The following LMOD3 variants were observed in gnomAD, a reference collection of about 807,000 sequenced individuals.
LMOD3 encodes leiomodin-3.
Under a neutral mutation model 41.8 loss-of-function variants are expected in LMOD3, and 31 were observed. The ratio of observed to expected loss-of-function variants is 0.74; its 90% confidence interval spans 0.56 to 1.00. LMOD3 has a LOEUF of 1.00. Among genes scored for constraint, LMOD3 ranks in the 50% least tolerant of loss-of-function variants. The pLI is 0.00. For synonymous variants in LMOD3, 292 were observed against 241.9 expected, an observed-to-expected ratio of 1.21 and a Z score of -1.92; for missense variants, 755 against 679.5, an observed-to-expected ratio of 1.11 and a Z score of -1.23.
intron 2 of LMOD3, among the ~76,000 whole-genome samples, chr3:69,116,259 C>T (rs1055594046): frequency 5.3e-5 from 8 of 152,052 alleles, no homozygotes; most frequent in Non-Finnish European, 2.9e-5. Flanking sequence ...TTTTTCTTGC[C>T]GAGTGTTTTC....
rs2107526974 is a variant in LMOD3 at position 69,120,067 on chromosome 3, G to C, written c.295-7C>G. On this transcript the variant is annotated splice_region_variant and splice_polypyrimidine_tract_variant and intron_variant, in intron 1 of 2. Coordinates refer to ENST00000420581, the MANE Select transcript of LMOD3 (RefSeq NM_198271.5). ...GCTCTTCTTGAGTCTTTTCCTACAA[G>C]AGAGGTTTATGAGGGTTAGAATACA... 1 of 1,589,046 alleles carries C rather than the reference G, an allele frequency of 6.3e-7. No homozygotes were observed. The highest frequency in any genetic ancestry group is 1.2e-5 in the South Asian group (1 of 85,970).
At chr3:69,114,869 A>G (rs79568196) in intron 2 of LMOD3, among the ~76,000 whole-genome samples, 1 of 151,188 alleles carries the variant, frequency 6.6e-6, no homozygotes, top group Non-Finnish European at 1.5e-5. Context: ...AAGGAAAATA[A>G]CTACTTTTAT....
Position 69,122,203 on chromosome 3 carries a change from G to A in LMOD3, c.184C>T (p.Pro62Ser), listed in dbSNP as rs745971448. ...MIQKDQTDKP[P>S]TGNFNHKSLV... is the part of the protein sequence containing the mutation. ...GATTTATGATTGAAGTTTCCTGTCG[G>A]TGGCTTGTCAGTTTGATCTTTCTGA... The change falls in exon 1 of 3, where the codon CCG (proline) becomes TCG (serine). Residue 62 changes from proline (P) to serine (S), a missense_variant. Transcript: ENST00000420581. 3.7e-6 allele frequency: 6 copies of A among 1,613,504 alleles called. No individual in the cohort carries two copies. The South Asian group carries it at 4.4e-5, about 12-fold the overall frequency.
Position 69,118,966 on chromosome 3 carries a change from A to C in LMOD3, c.1389T>G (p.Ser463Arg), listed in dbSNP as rs748444169. The C allele has an allele frequency of 1.9e-6, 3 of 1,613,040 alleles. No homozygotes were observed. Among genetic ancestry groups the C allele is most frequent in the Non-Finnish European group, 2.5e-6 (3 of 1,179,732 alleles). Residue 463 changes from serine (S) to arginine (R), a missense_variant, in exon 2 of 3, where the codon AGT becomes AGG. Coordinates refer to ENST00000420581, the MANE Select transcript of LMOD3 (RefSeq NM_198271.5). The stretch of plus-strand genomic sequence containing the variant: ...GCTTTTTCATCATTTCACTGCGTTG[A>C]CTAAAGGGGACATTTTGGGGGTTGG... ...RPPNPQNVPF[S>R]QRSEMMKKPS... is the part of the protein sequence containing the mutation.
In LMOD3 at chr3:69,122,245, G is replaced by C. The variant is rs777262094; in HGVS notation, c.142C>G (p.Leu48Val). ...EMEVMAPDPS[L>V]PVGMIQKDQT... Reference sequence around the variant, plus strand: ...TCTTTCTGAATCATTCCCACGGGAAGGCTGGGGTCAGGGGCCATGACTTCC... The same window carrying C: ...TCTTTCTGAATCATTCCCACGGGAACGCTGGGGTCAGGGGCCATGACTTCC... Residue 48 changes from leucine to valine, a missense_variant, in exon 1 of 3, where the codon CTT (leucine) becomes GTT (valine). By Grantham distance (32) the Leu-to-Val change is conservative. Transcript: ENST00000420581. 40 of 1,613,566 alleles carry C rather than the reference G, an allele frequency of 2.5e-5. No individual in the cohort carries two copies. In the Middle Eastern group the frequency reaches 4.9e-4, roughly 20 times the overall value.
At chr3:69,114,414 A>G (rs1486020408) in intron 2 of LMOD3, among the ~76,000 whole-genome samples, 1 of 152,150 alleles carries the variant, frequency 6.6e-6, no homozygotes, top group Non-Finnish European at 1.5e-5. Context: ...GAAGCATTTG[A>G]GCAAAGCAAG....
At chr3:69,111,011 T>C (rs115095308) in intron 2 of LMOD3, among the ~76,000 whole-genome samples, 1,847 of 151,802 alleles carry the variant, frequency 0.012, 35 homozygotes, top group African/African-American at 0.042. Flanking sequence ...TCAAGTGTCA[T>C]TGTATCTTAG....
Position 69,122,517 on chromosome 3 carries a change from T to A in LMOD3, c.-131A>T, listed in dbSNP as rs1054430284. 1.4e-6 allele frequency: 1 copy of A among 712,044 alleles called. No homozygotes were observed. Among genetic ancestry groups the A allele is most frequent in the Non-Finnish European group, 2.3e-6 (1 of 444,006 alleles). 44.1% of individuals were successfully genotyped at this position (712,044 alleles called of 1,614,324 possible). On this transcript the variant is annotated 5_prime_UTR_variant, in exon 1 of 3. Coordinates refer to ENST00000420581, the MANE Select transcript of LMOD3 (RefSeq NM_198271.5). ...AAGTTAACACACCCTTGAGATATTT[T>A]TTTTTTTTTCCCAGGAACCTCAGTG...
Position 69,118,990 on chromosome 3 carries a change from G to A in LMOD3, c.1365C>T (p.Pro455=). ...EFFQPPPPRP[P]NPQNVPFSQR... ...GACTAAAGGGGACATTTTGGGGGTT[G>A]GGAGGCCGAGGTGGCGGTGGCTGGA... Residue 455 remains proline, a synonymous_variant, in exon 2 of 3, where the codon CCC becomes CCT. Transcript: ENST00000420581. 1 of 1,613,490 alleles carries A rather than the reference G, an allele frequency of 6.2e-7. No homozygotes were observed. The highest frequency in any genetic ancestry group is 8.5e-7 in the Non-Finnish European group (1 of 1,179,806).
intron 2 of LMOD3, among the ~76,000 whole-genome samples, chr3:69,112,920 C>T (rs2092356136): frequency 6.6e-6 from 1 of 152,082 alleles, no homozygotes; most frequent in Non-Finnish European, 1.5e-5. Context: ...ACCTTTTTTC[C>T]CACTACACAT....
At position 69,109,095 on chromosome 3, in the gene LMOD3, T is replaced by G; in HGVS notation, c.1683A>C (p.Ter561TyrextTer58). ...KPVQLPKELA[*>Y] is the part of the protein sequence containing the mutation. ...TTCTTCTAGATGGCTCTGTTGCCTC[T>G]TACGCCAGTTCTTTTGGCAGTTGCA... The change falls in exon 3 of 3, where the codon TAA (stop) becomes TAC (tyrosine). Residue 561 changes from the stop codon to tyrosine, a stop_lost. Coordinates refer to ENST00000420581, the MANE Select transcript of LMOD3 (RefSeq NM_198271.5). The G allele has an allele frequency of 6.2e-7, 1 of 1,600,508 alleles. No homozygotes were observed. The highest frequency in any genetic ancestry group is 8.5e-7 in the Non-Finnish European group (1 of 1,173,084).
Position 69,122,173 on chromosome 3 carries a change from C to T in LMOD3, c.214G>A (p.Val72Ile), listed in dbSNP as rs553922513. Residue 72 changes from valine to isoleucine, a missense_variant, in exon 1 of 3, where the codon GTT (valine) becomes ATT (isoleucine). Physicochemically the swap from Val to Ile is conservative, Grantham distance 29. Transcript: ENST00000420581. ...GCCTTTTCCCAATACATATAATCAA[C>T]AAGAGATTTATGATTGAAGTTTCCT... ...PTGNFNHKSL[V>I]DYMYWEKASR... 43 of 1,613,064 alleles carry T rather than the reference C, an allele frequency of 2.7e-5. No individual in the cohort carries two copies. In the South Asian group the frequency reaches 4.6e-4, roughly 17 times the overall value.
chr3:69,109,157 A>G, intron 2 of LMOD3, 36 bp from the exon 3 acceptor site: 1 of 1,585,098 alleles, frequency 6.3e-7, no homozygotes, highest in South Asian at 1.1e-5. Flanking sequence ...GGGGGAAATT[A>G]ATCCTGGAAA....
chr3:69,111,462 A>T (rs1469142773), intron 2 of LMOD3, among the ~76,000 whole-genome samples: 1 of 152,250 alleles, frequency 6.6e-6, no homozygotes, highest in Non-Finnish European at 1.5e-5. Flanking sequence ...TAAATAGTTA[A>T]AACACTGTGT....
Position 69,122,438 on chromosome 3 carries a change from T to A in LMOD3, c.-52A>T, listed in dbSNP as rs1201272681. The A allele has an allele frequency of 2.9e-6, 4 of 1,357,466 alleles. No individual in the cohort carries two copies. The highest frequency in any genetic ancestry group is 2.6e-5 in the Admixed American group (1 of 38,278). The allele number at this position is 1,357,466 out of a possible 1,614,324, so 84.1% of individuals were successfully genotyped here. ...GAAAAGAAGAATAATCAAAGATGAT[T>A]TTTAAAAAGAAGGAAAAAAGCCTCA... On this transcript the variant is annotated 5_prime_UTR_variant, in exon 1 of 3. Coordinates refer to ENST00000420581, the MANE Select transcript of LMOD3 (RefSeq NM_198271.5).
chr3:69,118,939 T>A lies in LMOD3; in HGVS notation c.1416A>T (p.Pro472=), dbSNP rs563513367. ...FSQRSEMMKK[P]SQAPKYRTDP... ...CTGTCCTGTACTTCGGGGCCTGCGA[T>A]GGCTTTTTCATCATTTCACTGCGTT... Residue 472 remains proline (P), a synonymous_variant, in exon 2 of 3, where the codon CCA becomes CCT. Coordinates refer to ENST00000420581, the MANE Select transcript of LMOD3 (RefSeq NM_198271.5). The A allele has an allele frequency of 1.9e-6, 3 of 1,612,636 alleles. No homozygotes were observed. The highest frequency in any genetic ancestry group is 2.5e-6 in the Non-Finnish European group (3 of 1,179,668).
chr3:69,110,509 T>G (rs1385989314), intron 2 of LMOD3, among the ~76,000 whole-genome samples: 2 of 148,190 alleles, frequency 1.3e-5, no homozygotes, highest in Admixed American at 6.7e-5. Context: ...GGATTACAGG[T>G]GTGAGCCACC....
Position 69,122,269 on chromosome 3 carries a change from C to T in LMOD3, c.118G>A (p.Glu40Lys), listed in dbSNP as rs1318711844. ...AGGCTGGGGTCAGGGGCCATGACTT[C>T]CATTTCCGACTGCAGTTCTTTCAGT... ...EELKELQSEM[E>K]VMAPDPSLPV... The change falls in exon 1 of 3, where the codon GAA (glutamate) becomes AAA (lysine). Residue 40 changes from glutamate (E) to lysine (K), a missense_variant. Coordinates refer to ENST00000420581, the MANE Select transcript of LMOD3 (RefSeq NM_198271.5). 6.2e-7 allele frequency: 1 copy of T among 1,613,568 alleles called. No individual in the cohort carries two copies. Among genetic ancestry groups the T allele is most frequent in the Non-Finnish European group, 8.5e-7 (1 of 1,179,754 alleles).
At chr3:69,116,094 CAAAAA>C (rs931809299) in intron 2 of LMOD3, among the ~76,000 whole-genome samples, 2 of 152,104 alleles carry the variant, frequency 1.3e-5, no homozygotes, top group Admixed American at 6.5e-5. Context: ...CAAAACAAAA[CAAAAA>C]AATTAAAATA....
Sources: allele counts gnomAD v4.1 joint callset (sites outside exome capture counted in the v4.1 genomes callset), GRCh38; gene constraint gnomAD v4.1.1; transcripts MANE v1.5; gene names NCBI Gene and HGNC (gene_info 2026-07-23, HGNC 2026-07-21).